Variants in C1QTNF3 observed in about 807,000 individuals in gnomAD.
The protein encoded by C1QTNF3 is complement C1q tumor necrosis factor-related protein 3.
In C1QTNF3, 26 loss-of-function variants were observed where a neutral mutation model predicts 32.6. The ratio of observed to expected loss-of-function variants is 0.80; its 90% CI spans 0.58 to 1.11. C1QTNF3 has a LOEUF of 1.11. Among genes scored for constraint, C1QTNF3 ranks in the 50% least tolerant of loss-of-function variants. C1QTNF3 has a pLI of 0.00. For missense variants in C1QTNF3, 362 were observed against 398.2 expected (o/e 0.91, Z 0.77); for synonymous variants, 155 against 146.0 (o/e 1.06, Z -0.44).
the C1QTNF3 span, among the ~76,000 whole-genome samples, chr5:34,162,742 A>C: frequency 6.6e-5 from 10 of 152,178 alleles, no homozygotes; most frequent in Non-Finnish European, 1.2e-4. Flanking sequence ...TAAGCTCACT[A>C]CCTCTTATTA....
the C1QTNF3 span, among the ~76,000 whole-genome samples, chr5:34,132,506 T>C: frequency 0.54 from 79,801 of 149,028 alleles, 22,686 homozygotes; most frequent in Non-Finnish European, 0.62. Flanking sequence ...TGCAAACGTT[T>C]AAATAAGTGT....
At chr5:34,177,781 C>A in the C1QTNF3 span, among the ~76,000 whole-genome samples, 4 of 151,858 alleles carry the variant, frequency 2.6e-5, no homozygotes, top group Non-Finnish European at 5.9e-5. Flanking sequence ...GCCACTGCAC[C>A]CAGCCACAAC....
At chr5:34,127,042 C>G in the C1QTNF3 span, among the ~76,000 whole-genome samples, 1 of 152,154 alleles carries the variant, frequency 6.6e-6, no homozygotes, top group Non-Finnish European at 1.5e-5. Flanking sequence ...CTTTGCCTTC[C>G]GCCATGATTG....
At chr5:34,223,194 A>G in the C1QTNF3 span, among the ~76,000 whole-genome samples, 1 of 118,760 alleles carries the variant, frequency 8.4e-6, no homozygotes, top group African/African-American at 3.3e-5. Context: ...AACAGTCCCC[A>G]GCGTGTGGTG....
the C1QTNF3 span, among the ~76,000 whole-genome samples, chr5:34,129,776 TAAC>T: frequency 1.3e-5 from 2 of 151,848 alleles, no homozygotes; most frequent in East Asian, 1.9e-4. Flanking sequence ...GGTCTTCTAA[TAAC>T]AACCTCTATA....
the C1QTNF3 span, among the ~76,000 whole-genome samples, chr5:34,236,570 C>CTTTTTTTTTTTT: frequency 8.8e-4 from 24 of 27,280 alleles, no homozygotes; most frequent in Admixed American, 1.6e-3. Context: ...TTTCTTTTTT[C>CTTTTTTTTTTTT]TTTTTTTTTT....
chr5:34,038,109 G>T (rs1211179044), intron 1 of C1QTNF3, among the ~76,000 whole-genome samples: 2 of 152,184 alleles, frequency 1.3e-5, no homozygotes, highest in Non-Finnish European at 2.9e-5. Context: ...AGAAGTCGCT[G>T]TTCTCCAGAC....
At chr5:34,040,154 T>G (rs1219430173) in intron 1 of C1QTNF3, among the ~76,000 whole-genome samples, 1 of 152,194 alleles carries the variant, frequency 6.6e-6, no homozygotes, top group African/African-American at 2.4e-5. Context: ...TAAGGGAAAA[T>G]TACATGTAGG....
the C1QTNF3 span, among the ~76,000 whole-genome samples, chr5:34,176,856 CATGAATGA>C: frequency 8.8e-5 from 13 of 148,112 alleles, no homozygotes; most frequent in South Asian, 2.2e-4. Context: ...GACCCTATCT[CATGAATGA>C]ATGAATGAAT....
the C1QTNF3 span, among the ~76,000 whole-genome samples, chr5:34,242,604 A>G: frequency 1.3e-5 from 2 of 152,120 alleles, no homozygotes; most frequent in African/African-American, 4.8e-5. Flanking sequence ...GGCCTTGGCA[A>G]ATAATTTTTG....
chr5:34,088,975 C>G, the C1QTNF3 span, among the ~76,000 whole-genome samples: 6 of 151,728 alleles, frequency 4.0e-5, no homozygotes, highest in South Asian at 1.0e-3. Context: ...TTCTGGAACA[C>G]TTTTATAGGT....
intron 4 of C1QTNF3, among the ~76,000 whole-genome samples, chr5:34,025,491 C>T (rs911862585): frequency 2.6e-5 from 4 of 152,186 alleles, no homozygotes; most frequent in African/African-American, 9.7e-5. Flanking sequence ...GGCTTTCCTG[C>T]AAGGGAAGGT....
chr5:34,172,955 C>T, the C1QTNF3 span, among the ~76,000 whole-genome samples: 1 of 152,232 alleles, frequency 6.6e-6, no homozygotes. Context: ...GCCTTTACTT[C>T]TGTAGGATAG....
chr5:34,082,913 C>A, the C1QTNF3 span, among the ~76,000 whole-genome samples: 1 of 151,628 alleles, frequency 6.6e-6, no homozygotes, highest in Non-Finnish European at 1.5e-5. Context: ...AACCTTTGGG[C>A]TTTGTGTGCT....
chr5:34,236,270 T>C, the C1QTNF3 span, among the ~76,000 whole-genome samples: 2 of 152,022 alleles, frequency 1.3e-5, no homozygotes, highest in African/African-American at 4.8e-5. Context: ...CACGTGCCTG[T>C]AGTGCCTGTA....
chr5:34,115,546 C>T, the C1QTNF3 span, among the ~76,000 whole-genome samples: 4 of 151,874 alleles, frequency 2.6e-5, no homozygotes, highest in Admixed American at 1.3e-4. Context: ...CTGGCTAACA[C>T]GGTGAAACCC....
chr5:34,111,775 CTA>C, the C1QTNF3 span, among the ~76,000 whole-genome samples: 1 of 152,192 alleles, frequency 6.6e-6, no homozygotes, highest in East Asian at 1.9e-4. Context: ...TGATACACAG[CTA>C]TTAGTGTTGC....
the C1QTNF3 span, among the ~76,000 whole-genome samples, chr5:34,089,377 C>T: frequency 2.0e-5 from 3 of 151,970 alleles, no homozygotes; most frequent in Admixed American, 6.6e-5. Context: ...CATATAGTAT[C>T]AGGATGTGAG....
At chr5:34,120,441 G>C in the C1QTNF3 span, among the ~76,000 whole-genome samples, 1 of 151,932 alleles carries the variant, frequency 6.6e-6, no homozygotes, top group Non-Finnish European at 1.5e-5. Flanking sequence ...ATGGAAATTT[G>C]ACAGTAAATG....
Sources: allele counts gnomAD v4.1 joint callset (sites outside exome capture counted in the v4.1 genomes callset), GRCh38; gene constraint gnomAD v4.1.1; transcripts MANE v1.5; gene names NCBI Gene and HGNC (gene_info 2026-07-23, HGNC 2026-07-21).